SMYD3: variants seen among roughly 807,000 people sequenced by gnomAD.
SMYD3 encodes histone-lysine N-methyltransferase SMYD3.
A neutral mutation model predicts 57.7 loss-of-function variants in SMYD3; 36 were observed. The ratio of observed to expected loss-of-function variants is 0.62; its 90% CI spans 0.48 to 0.82. The LOEUF (loss-of-function observed/expected upper bound fraction) is 0.82. SMYD3 is among the 40% of genes least tolerant of loss of function. The pLI is 0.00. For synonymous variants in SMYD3, 211 were observed against 195.0 expected (o/e 1.08, Z -0.68); for missense variants, 515 against 538.8 (o/e 0.96, Z 0.44).
intron 10 of SMYD3, among the ~76,000 whole-genome samples, chr1:245,806,885 C>T (rs1191629130): frequency 1.6e-5 from 2 of 124,932 alleles, no homozygotes; most frequent in South Asian, 5.3e-4. Flanking sequence ...AGTCCGCAAT[C>T]CGGCCTGGGC....
At chr1:245,906,500 G>A (rs1222445569) in intron 8 of SMYD3, among the ~76,000 whole-genome samples, 1 of 152,146 alleles carries the variant, frequency 6.6e-6, no homozygotes, top group Non-Finnish European at 1.5e-5. Context: ...AACAAATGCT[G>A]GTGAGGATGT....
At chr1:245,897,922 C>T (rs1022024091) in intron 8 of SMYD3, among the ~76,000 whole-genome samples, 2 of 151,994 alleles carry the variant, frequency 1.3e-5, no homozygotes, top group African/African-American at 4.8e-5. Flanking sequence ...TATTGTCAAT[C>T]AGCTATGATG....
intron 1 of SMYD3, among the ~76,000 whole-genome samples, chr1:246,444,235 T>C (rs1484909623): frequency 1.3e-5 from 2 of 152,186 alleles, no homozygotes; most frequent in East Asian, 3.9e-4. Flanking sequence ...CAAGCAATTT[T>C]CTGCCTCAGC....
intron 5 of SMYD3, among the ~76,000 whole-genome samples, chr1:246,180,784 AAAAAAAAAAAAAAC>A (rs2062536046): frequency 6.7e-6 from 1 of 148,208 alleles, no homozygotes; most frequent in Non-Finnish European, 1.5e-5. Context: ...AAAAAAAAAA[AAAAAAAAAAAAAAC>A]AACTCAGGAG....
intron 5 of SMYD3, among the ~76,000 whole-genome samples, chr1:246,185,722 A>G (rs2062629141): frequency 6.6e-6 from 1 of 152,110 alleles, no homozygotes; most frequent in African/African-American, 2.4e-5. Context: ...GGCCTCCCAA[A>G]GTGCTGGGAT....
chr1:246,408,804 G>C (rs777500240), intron 1 of SMYD3, among the ~76,000 whole-genome samples: 7 of 151,238 alleles, frequency 4.6e-5, no homozygotes, highest in Non-Finnish European at 8.8e-5. Context: ...TGAGTAGCTG[G>C]AATTACAGGT....
At chr1:246,317,065 T>C (rs1572372567) in intron 5 of SMYD3, among the ~76,000 whole-genome samples, 1 of 152,016 alleles carries the variant, frequency 6.6e-6, no homozygotes, top group East Asian at 1.9e-4. Context: ...GTTTAAAATA[T>C]TAAGACAATA....
intron 5 of SMYD3, among the ~76,000 whole-genome samples, chr1:246,040,593 G>A (rs1443060631): frequency 6.6e-6 from 1 of 152,170 alleles, no homozygotes; most frequent in Non-Finnish European, 1.5e-5. Context: ...AATCCTTCTG[G>A]ATGTCAAGGT....
chr1:245,877,145 G>T (rs1217585896), intron 8 of SMYD3, among the ~76,000 whole-genome samples: 1 of 152,180 alleles, frequency 6.6e-6, no homozygotes, highest in Non-Finnish European at 1.5e-5. Flanking sequence ...GCGGCGCTGC[G>T]GAGACGGGGC....
intron 5 of SMYD3, among the ~76,000 whole-genome samples, chr1:246,206,508 G>A (rs1421841249): frequency 1.3e-5 from 2 of 151,784 alleles, no homozygotes; most frequent in Non-Finnish European, 2.9e-5. Context: ...ACACAAAAAT[G>A]ACAGAGAAAA....
chr1:246,285,963 G>T (rs965418911), intron 5 of SMYD3, among the ~76,000 whole-genome samples: 1 of 152,110 alleles, frequency 6.6e-6, no homozygotes, highest in African/African-American at 2.4e-5. Flanking sequence ...CGCAAGAATG[G>T]CCATAACCAA....
In SMYD3 at chr1:246,495,737, T is replaced by A. The variant is rs1385910776; in HGVS notation, c.164+11317A>T. On this transcript the variant is annotated intron_variant, in intron 1 of 11. Transcript: ENST00000490107. ...AGGGGGATCACTTGAGCTCAGGAGA[T>A]CAAGACCAGCCTGAGTAAATGGCAA... is the stretch of plus-strand genomic sequence containing the variant. 2.0e-5 allele frequency among the ~76,000 whole-genome samples: 3 copies of A among 151,584 alleles called. No homozygotes were observed. In the East Asian group the frequency reaches 5.9e-4, roughly 30 times the overall value.
chr1:246,231,726 T>A (rs1225524049), intron 5 of SMYD3, among the ~76,000 whole-genome samples: 5 of 152,198 alleles, frequency 3.3e-5, no homozygotes, highest in African/African-American at 1.2e-4. Flanking sequence ...CAAAAAGGCA[T>A]GGCATGAATG....
At chr1:246,213,600 T>C (rs1169442233) in intron 5 of SMYD3, among the ~76,000 whole-genome samples, 1 of 152,160 alleles carries the variant, frequency 6.6e-6, no homozygotes, top group Non-Finnish European at 1.5e-5. Context: ...CTACCTGGTT[T>C]GTTCACCCAA....
intron 5 of SMYD3, among the ~76,000 whole-genome samples, chr1:245,984,583 CAG>C (rs1370970539): frequency 1.3e-5 from 2 of 152,272 alleles, no homozygotes; most frequent in South Asian, 2.1e-4. Context: ...GCTCCAAACC[CAG>C]AGTTTCTAAT....
intron 5 of SMYD3, among the ~76,000 whole-genome samples, chr1:246,258,147 C>A (rs1322018249): frequency 1.3e-5 from 2 of 152,182 alleles, no homozygotes; most frequent in East Asian, 3.9e-4. Flanking sequence ...AGCAATTCTC[C>A]TGCCTCAGCC....
chr1:245,807,549 C>T (rs1041666718), intron 10 of SMYD3, among the ~76,000 whole-genome samples: 2 of 152,212 alleles, frequency 1.3e-5, no homozygotes, highest in East Asian at 1.9e-4. Context: ...AGAGAATTAC[C>T]GGCACACATT....
intron 5 of SMYD3, among the ~76,000 whole-genome samples, chr1:246,219,328 G>A (rs7533717): frequency 6.6e-6 from 1 of 152,028 alleles, no homozygotes; most frequent in African/African-American, 2.4e-5. Flanking sequence ...ATGTCGGAGA[G>A]AAGCAGCTTG....
At chr1:246,409,530 T>C (rs2066926307) in intron 1 of SMYD3, among the ~76,000 whole-genome samples, 1 of 152,206 alleles carries the variant, frequency 6.6e-6, no homozygotes, top group Non-Finnish European at 1.5e-5. Flanking sequence ...GTTCCATTGG[T>C]CTATCTCTCT....
Sources: gnomAD v4.1 joint callset for allele counts (sites outside exome capture counted in the v4.1 genomes callset) on GRCh38, gnomAD v4.1.1 for gene constraint, MANE v1.5 for transcripts, NCBI Gene and HGNC (gene_info 2026-07-23, HGNC 2026-07-21) for gene names.